FGF13: variants seen among roughly 807,000 people sequenced by gnomAD.
The protein encoded by FGF13 is fibroblast growth factor homologous factor 2.
Under a neutral mutation model 19.5 loss-of-function variants are expected in FGF13, and 2 were observed. The ratio of observed to expected loss-of-function variants is 0.10; its 90% CI spans 0.04 to 0.32. The LOEUF is 0.32. Ranked by LOEUF, FGF13 falls within the 10% of genes least tolerant of loss-of-function variation. FGF13 has a pLI of 1.00. For missense variants in FGF13, 113 were observed against 192.7 expected, an observed-to-expected ratio of 0.59 and a Z score of 2.45; for synonymous variants, 72 against 76.9, an observed-to-expected ratio of 0.94 and a Z score of 0.33.
At chrX:139,063,448 G>C (rs1649812955) in intron 1 of FGF13, among the ~76,000 whole-genome samples, 1 of 111,325 alleles carries the variant, frequency 9.0e-6, no homozygotes, top group Non-Finnish European at 1.9e-5. Context: ...GTGGTGAGAG[G>C]TTTTCTTATC....
intron 3 of FGF13, among the ~76,000 whole-genome samples, chrX:138,839,516 T>C (rs954173614): frequency 9.0e-6 from 1 of 111,620 alleles, no homozygotes; most frequent in Non-Finnish European, 1.9e-5. Flanking sequence ...CTTACAGAGA[T>C]GAGCCGTGCT....
chrX:139,088,598 A>G (rs1210049697), intron 1 of FGF13, among the ~76,000 whole-genome samples: 1 of 110,707 alleles, frequency 9.0e-6, no homozygotes, highest in Admixed American at 9.7e-5. Context: ...TGGCCACTAT[A>G]CATAGATAGA....
At chrX:139,028,674 T>C (rs867928985) in intron 1 of FGF13, among the ~76,000 whole-genome samples, 1 of 69,893 alleles carries the variant, frequency 1.4e-5, no homozygotes, top group African/African-American at 5.8e-5. Context: ...AAAGAGAGAG[T>C]GTGTGTGAAA....
rs1231775922 is a variant in FGF13, at chrX:138,799,011, C to T, written c.217+58501G>A. Among the ~76,000 whole-genome samples, 16 of 111,596 alleles carry T rather than the reference C, an allele frequency of 1.4e-4. 1 individual carries two copies. The Admixed American group carries it at 1.5e-3, about 11-fold the overall frequency. On this transcript the variant is annotated intron_variant, in intron 3 of 6. Transcript: ENST00000436198. The stretch of plus-strand genomic sequence containing the variant: ...TTTTGTTATTCTTTTCAAAAAACCA[C>T]CTCCTGGATTCATTGATTTTTGAAG...
chrX:138,988,254 T>A (rs1211375473), intron 1 of FGF13, among the ~76,000 whole-genome samples: 1 of 112,313 alleles, frequency 8.9e-6, no homozygotes, highest in Non-Finnish European at 1.9e-5. Flanking sequence ...TATGCTAACA[T>A]CTCTCTCTAA....
rs1362524959 is a variant in FGF13 at position 138,896,636 on chromosome X, C to T, written c.-112-31986G>A. Reference sequence around the variant, plus strand: ...CAAATAAACAGGCTTTGGAGTTAGGCAGACTTGAGCTTGAATCTTGGCTGT... The same window carrying T: ...CAAATAAACAGGCTTTGGAGTTAGGTAGACTTGAGCTTGAATCTTGGCTGT... On this transcript the variant is annotated intron_variant, in intron 1 of 2. Transcript: ENST00000421460. 4.5e-5 allele frequency among the ~76,000 whole-genome samples: 5 copies of T among 112,349 alleles called. No homozygotes were observed. In the South Asian group the frequency reaches 1.9e-3, roughly 42 times the overall value.
chrX:139,155,017 T>TTATA (rs1304838039), intron 1 of FGF13, among the ~76,000 whole-genome samples: 4 of 111,722 alleles, frequency 3.6e-5, no homozygotes, highest in East Asian at 5.6e-4. Context: ...TCTAGCATCA[T>TTATA]TATACATACA....
At chrX:138,804,424 T>C (rs1489165278) in intron 3 of FGF13, among the ~76,000 whole-genome samples, 1 of 112,226 alleles carries the variant, frequency 8.9e-6, no homozygotes, top group Non-Finnish European at 1.9e-5. Flanking sequence ...TGCAATTCAC[T>C]GTGCACCAGT....
At chrX:138,645,190 A>G (rs976752769) in intron 3 of FGF13, among the ~76,000 whole-genome samples, 1 of 112,198 alleles carries the variant, frequency 8.9e-6, no homozygotes, top group African/African-American at 3.2e-5. Flanking sequence ...ACCTCTCAGT[A>G]ATTACTTCCC....
chrX:139,102,274 G>A (rs760662188), intron 1 of FGF13, among the ~76,000 whole-genome samples: 1 of 111,428 alleles, frequency 9.0e-6, no homozygotes, highest in African/African-American at 3.3e-5. Context: ...CGTGGCTCTG[G>A]AAAAAATACC....
intron 3 of FGF13, among the ~76,000 whole-genome samples, chrX:138,652,026 C>T (rs2089380886): frequency 8.9e-6 from 1 of 112,030 alleles, no homozygotes; most frequent in African/African-American, 3.2e-5. Context: ...GACAAAGTCC[C>T]TGACTTGGCC....
At chrX:138,979,383 TAGATA>T (rs1361913338) in intron 1 of FGF13, among the ~76,000 whole-genome samples, 1 of 110,091 alleles carries the variant, frequency 9.1e-6, no homozygotes, top group Non-Finnish European at 1.9e-5. Flanking sequence ...AAGGGAGGAG[TAGATA>T]AGATCAGAGA....
intron 1 of FGF13, among the ~76,000 whole-genome samples, chrX:139,141,102 TACACACACAC>T (rs748785543): frequency 5.1e-5 from 5 of 97,179 alleles, no homozygotes; most frequent in Non-Finnish European, 1.0e-4. Context: ...GATAAGAGTG[TACACACACAC>T]ACACACACAC....
rs917465544 is a variant in FGF13, at chrX:138,622,823, G to A, written c.*10027C>T. On this transcript the variant is annotated 3_prime_UTR_variant, in exon 5 of 5. Coordinates refer to ENST00000315930, the MANE Select transcript of FGF13 (RefSeq NM_004114.5). ...TTTTTTTTATTTCTGTAAAAGATTCGATTAAGATTTTGATAGGGCTTGCAT... is the reference window on the plus strand; with the variant it reads ...TTTTTTTTATTTCTGTAAAAGATTCAATTAAGATTTTGATAGGGCTTGCAT... 3.8e-4 allele frequency: 42 copies of A among 111,345 alleles called. 1 individual carries two copies. The Admixed American group carries it at 3.8e-3, about 10-fold the overall frequency. 9.2% of individuals were successfully genotyped at this position (111,345 alleles called of 1,213,427 possible).
rs181417808 is a variant in FGF13, at chrX:138,945,284, C to T, written c.-112-80634G>A. The stretch of plus-strand genomic sequence containing the variant: ...GACATGCATTTATCCCCTTGTGGTG[C>T]AAAGTTCTAAGTCCTAAACGCATGG... On this transcript the variant is annotated intron_variant, in intron 1 of 2. Transcript: ENST00000421460. Among the ~76,000 whole-genome samples the T allele has an allele frequency of 1.2e-3, 138 of 111,190 alleles. 5 individuals carry two copies. In the East Asian group the frequency reaches 0.026, roughly 21 times the overall value.
chrX:139,190,484 G>A (rs2084317560), intron 1 of FGF13, among the ~76,000 whole-genome samples: 1 of 111,948 alleles, frequency 8.9e-6, no homozygotes, highest in African/African-American at 3.2e-5. Context: ...CTGTGTCAAT[G>A]TGGAAATGTA....
chrX:138,803,805 C>T (rs2090846776), intron 3 of FGF13, among the ~76,000 whole-genome samples: 1 of 112,026 alleles, frequency 8.9e-6, no homozygotes, highest in Non-Finnish European at 1.9e-5. Context: ...TCTGATGAGG[C>T]CTTCCTCTGT....
At chrX:138,763,949 A>G (rs1014693906) in intron 3 of FGF13, among the ~76,000 whole-genome samples, 1 of 111,394 alleles carries the variant, frequency 9.0e-6, no homozygotes, top group Admixed American at 9.6e-5. Flanking sequence ...GAGGTTGTCA[A>G]CTAGATACCT....
In FGF13 at chrX:138,711,010, G is replaced by A. The variant is rs369837814; in HGVS notation, c.-7C>T. ...TGGCGATAGCCGCCGCCATGGCCACGACGCCCACCACCACCGCTTCTTTTG... is the reference window on the plus strand; with the variant it reads ...TGGCGATAGCCGCCGCCATGGCCACAACGCCCACCACCACCGCTTCTTTTG... On this transcript the variant is annotated 5_prime_UTR_variant, in exon 1 of 5. Coordinates refer to ENST00000315930, the MANE Select transcript of FGF13 (RefSeq NM_004114.5). 78 of 1,207,145 alleles carry A rather than the reference G, an allele frequency of 6.5e-5. No individual in the cohort carries two copies. The highest frequency in any genetic ancestry group is 8.3e-5 in the Non-Finnish European group (74 of 894,016).
Sources: gnomAD v4.1 joint callset for allele counts (sites outside exome capture counted in the v4.1 genomes callset) on GRCh38, gnomAD v4.1.1 for gene constraint, MANE v1.5 for transcripts, NCBI Gene and HGNC (gene_info 2026-07-23, HGNC 2026-07-21) for gene names.